Variants in ASIC2 observed in about 807,000 individuals in gnomAD.
ASIC2 encodes the protein acid sensing ion channel subunit 2, also known as acid-sensing ion channel 2.
A neutral mutation model predicts 57.3 loss-of-function variants in ASIC2; 25 were observed. The ratio of observed to expected loss-of-function variants is 0.44; its 90% CI spans 0.32 to 0.61. The LOEUF (loss-of-function observed/expected upper bound fraction) is 0.61. ASIC2 is among the 20% of genes least tolerant of loss of function. ASIC2 has a pLI of 0.06. For missense variants in ASIC2, 641 were observed against 738.1 expected (o/e 0.87, Z 1.52); for synonymous variants, 319 against 307.5 (o/e 1.04, Z -0.39).
intron 1 of ASIC2, among the ~76,000 whole-genome samples, chr17:33,213,496 A>G (rs866376272): frequency 1.3e-5 from 2 of 152,310 alleles, no homozygotes; most frequent in Middle Eastern, 6.8e-3. Context: ...ATGATGAGAC[A>G]AGGCCTGGGA....
intron 1 of ASIC2, among the ~76,000 whole-genome samples, chr17:33,746,888 A>G (rs1243171113): frequency 1.3e-5 from 2 of 152,244 alleles, no homozygotes. Flanking sequence ...AATAACAGAA[A>G]GAAATTTGGC....
At chr17:34,107,815 T>C (rs1287884419) in intron 1 of ASIC2, among the ~76,000 whole-genome samples, 4 of 152,210 alleles carry the variant, frequency 2.6e-5, no homozygotes, top group Non-Finnish European at 5.9e-5. Flanking sequence ...TTCTCTCCTT[T>C]ACATTTTTCG....
chr17:33,034,070 G>C (rs2091898121), intron 3 of ASIC2, among the ~76,000 whole-genome samples: 1 of 151,942 alleles, frequency 6.6e-6, no homozygotes, highest in South Asian at 2.1e-4. Flanking sequence ...TACCCTCCAG[G>C]GCCTCCTCGC....
intron 1 of ASIC2, among the ~76,000 whole-genome samples, chr17:33,611,004 A>G (rs928405627): frequency 6.6e-6 from 1 of 152,248 alleles, no homozygotes; most frequent in African/African-American, 2.4e-5. Flanking sequence ...CTGGTGGACC[A>G]GCAGACTGAT....
At chr17:33,727,973 C>A (rs1220039245) in intron 1 of ASIC2, among the ~76,000 whole-genome samples, 1 of 152,158 alleles carries the variant, frequency 6.6e-6, no homozygotes, top group Non-Finnish European at 1.5e-5. Flanking sequence ...AAGCCTTTGC[C>A]CTCCAAGGGC....
At chr17:33,828,901 C>T (rs1325834867) in intron 1 of ASIC2, among the ~76,000 whole-genome samples, 2 of 152,182 alleles carry the variant, frequency 1.3e-5, no homozygotes, top group African/African-American at 2.4e-5. Flanking sequence ...GCAGAAGAAA[C>T]ACCTAGTTCT....
intron 1 of ASIC2, chr17:33,828,340 A>G (rs1433554583): frequency 1.3e-5 from 2 of 152,076 alleles, no homozygotes; most frequent in African/African-American, 4.8e-5. Flanking sequence ...AGGGGTTGGG[A>G]TGAGAGGGCC....
At chr17:33,714,985 T>TTTATTATTATTATTA (rs71364615) in intron 1 of ASIC2, among the ~76,000 whole-genome samples, 5,063 of 142,138 alleles carry the variant, frequency 0.036, 118 homozygotes, top group African/African-American at 0.053. Flanking sequence ...GCCAGGCTAA[T>TTTATTATTATTATTA]TTATTATTAT....
At chr17:33,838,356 G>C (rs1030266397) in intron 1 of ASIC2, among the ~76,000 whole-genome samples, 1 of 152,162 alleles carries the variant, frequency 6.6e-6, no homozygotes, top group Non-Finnish European at 1.5e-5. Flanking sequence ...TCCTGCTTGA[G>C]TGAATGACCA....
At chr17:33,569,369 G>T (rs552286888) in intron 1 of ASIC2, 13 of 152,344 alleles carry the variant, frequency 8.5e-5, no homozygotes, top group African/African-American at 2.6e-4. Context: ...TGCTTCACTG[G>T]AAGAGTTGAA....
chr17:33,876,439 T>C (rs953384244), intron 1 of ASIC2, among the ~76,000 whole-genome samples: 2 of 152,200 alleles, frequency 1.3e-5, no homozygotes, highest in Non-Finnish European at 2.9e-5. Flanking sequence ...ATTGAGCAAA[T>C]GTTTTAAAAA....
At chr17:33,478,724 G>A (rs1006526852) in intron 1 of ASIC2, among the ~76,000 whole-genome samples, 2 of 152,148 alleles carry the variant, frequency 1.3e-5, no homozygotes, top group Non-Finnish European at 2.9e-5. Context: ...ATTTTCTGAT[G>A]GGGAAACTGA....
At chr17:34,127,964 T>A (rs1358941892) in intron 1 of ASIC2, among the ~76,000 whole-genome samples, 1 of 152,074 alleles carries the variant, frequency 6.6e-6, no homozygotes, top group Non-Finnish European at 1.5e-5. Context: ...GCTGTGTGAC[T>A]GTGGGGAAGT....
intron 1 of ASIC2, among the ~76,000 whole-genome samples, chr17:33,619,841 GAA>G (rs111653636): frequency 6.8e-6 from 1 of 147,038 alleles, no homozygotes; most frequent in African/African-American, 2.5e-5. Flanking sequence ...GATATTATTT[GAA>G]AAAAAAAAAT....
intron 1 of ASIC2, among the ~76,000 whole-genome samples, chr17:33,984,008 T>TCGTTCTGGTTGTC (rs1452206070): frequency 6.6e-6 from 1 of 152,198 alleles, no homozygotes; most frequent in Non-Finnish European, 1.5e-5. Flanking sequence ...TTGTTGTCAC[T>TCGTTCTGGTTGTC]AGTTCTGGTT....
intron 1 of ASIC2, among the ~76,000 whole-genome samples, chr17:33,740,912 GT>G (rs1910092197): frequency 6.6e-6 from 1 of 152,152 alleles, no homozygotes; most frequent in South Asian, 2.1e-4. Flanking sequence ...CTTCAACAGG[GT>G]TATAGTAAGG....
At chr17:34,041,892 C>T (rs988522128) in intron 1 of ASIC2, among the ~76,000 whole-genome samples, 1 of 152,214 alleles carries the variant, frequency 6.6e-6, no homozygotes. Flanking sequence ...GTAACACAAA[C>T]CTGATCATGT....
chr17:33,317,301 G>A (rs1237203683), intron 1 of ASIC2, among the ~76,000 whole-genome samples: 2 of 152,190 alleles, frequency 1.3e-5, no homozygotes, highest in Admixed American at 6.5e-5. Flanking sequence ...AAGGGTTCAT[G>A]TGAGCTCTGA....
intron 1 of ASIC2, among the ~76,000 whole-genome samples, chr17:34,130,498 C>T (rs1051620613): frequency 2.6e-5 from 4 of 152,214 alleles, no homozygotes; most frequent in Admixed American, 1.3e-4. Flanking sequence ...TCATCTATGT[C>T]CCAGGTGTTG....
Sources: gnomAD v4.1 joint callset for allele counts (sites outside exome capture counted in the v4.1 genomes callset) on GRCh38, gnomAD v4.1.1 for gene constraint, MANE v1.5 for transcripts, NCBI Gene and HGNC (gene_info 2026-07-23, HGNC 2026-07-21) for gene names.